Variants in SHROOM2 observed in about 807,000 individuals in gnomAD.
SHROOM2 encodes protein Shroom2.
SHROOM2 carries 33 observed loss-of-function variants against 75.9 expected under a neutral mutation model. The observed-to-expected ratio is 0.43, with a 90% CI of 0.33 to 0.58. The LOEUF (loss-of-function observed/expected upper bound fraction) is 0.58. Among genes scored for constraint, SHROOM2 ranks in the 20% least tolerant of loss-of-function variants. The pLI is 0.04. For missense variants in SHROOM2, 1,434 were observed against 1,461.2 expected (o/e 0.98, Z 0.30); for synonymous variants, 655 against 663.6 (o/e 0.99, Z 0.20).
intron 1 of SHROOM2, among the ~76,000 whole-genome samples, chrX:9,861,356 A>T (rs181325133): frequency 3.6e-5 from 4 of 111,543 alleles, no homozygotes; most frequent in Admixed American, 1.9e-4. Context: ...AATCATAGAA[A>T]CTTGGTTTCA....
intron 8 of SHROOM2, 130 bp downstream of exon 8, chrX:9,939,496 A>T: frequency 3.9e-6 from 2 of 515,771 alleles, no homozygotes; most frequent in Non-Finnish European, 3.1e-6. Context: ...GCTTTCACTC[A>T]GGACAGTGGA....
At chrX:9,823,756 C>CTT (rs1293537759) in intron 1 of SHROOM2, among the ~76,000 whole-genome samples, 1,090 of 85,798 alleles carry the variant, frequency 0.013, 71 homozygotes, top group Middle Eastern at 0.023. Context: ...TTTCTTTTTT[C>CTT]TTTTTTCTTT....
intron 5 of SHROOM2, among the ~76,000 whole-genome samples, chrX:9,911,078 G>T (rs2147030918): frequency 9.0e-6 from 1 of 111,375 alleles, no homozygotes; most frequent in African/African-American, 3.3e-5. Context: ...TGATGGCCCG[G>T]GGTGAATGGC....
intron 5 of SHROOM2, among the ~76,000 whole-genome samples, chrX:9,909,117 G>A (rs759392626): frequency 9.0e-5 from 10 of 110,953 alleles, no homozygotes; most frequent in African/African-American, 1.3e-4. Context: ...TACAAGATGA[G>A]CCTGGAGTAT....
chrX:9,947,107 T>G lies in SHROOM2; in HGVS notation c.*170T>G, dbSNP rs145538076. The G allele has an allele frequency of 2.9e-3, 1,503 of 522,993 alleles. 16 individuals carry two copies. In the African/African-American group the frequency reaches 0.032, roughly 11 times the overall value. The allele number at this position is 522,993 out of a possible 1,213,427, so 43.1% of individuals were successfully genotyped here. ...TTTGTGTTTGTGTGGGATGATTTAT[T>G]TAATTTTTTAGTTTCCCCTTTGATT... is the stretch of plus-strand genomic sequence containing the variant. On this transcript the variant is annotated 3_prime_UTR_variant, in exon 10 of 10. Coordinates refer to ENST00000380913, the MANE Select transcript of SHROOM2 (RefSeq NM_001649.4).
rs1178392304 is a variant in SHROOM2, at chrX:9,792,100, A to AG, written c.165+5391dup. 1.2e-4 allele frequency among the ~76,000 whole-genome samples: 2 copies of AG among 16,717 alleles called. 1 individual carries two copies. The highest frequency in any genetic ancestry group is 2.4e-3 in the Admixed American group (2 of 830). 14.5% of individuals were successfully genotyped at this position (16,717 alleles called of 115,157 possible). On this transcript the variant is annotated intron_variant, in intron 1 of 9. Coordinates refer to ENST00000380913, the MANE Select transcript of SHROOM2 (RefSeq NM_001649.4). ...AGAATAGAATAGAATAGAATAGAATAGAATAGAATAGAATAGAATAGAATA... is the reference window on the plus strand; with the variant it reads ...AGAATAGAATAGAATAGAATAGAATAGGAATAGAATAGAATAGAATAGAATA...
At chrX:9,826,769 C>A (rs1194036413) in intron 1 of SHROOM2, among the ~76,000 whole-genome samples, 1 of 111,933 alleles carries the variant, frequency 8.9e-6, no homozygotes, top group African/African-American at 3.2e-5. Context: ...GAGAGCTACC[C>A]TGTCTCCATA....
chrX:9,850,398 C>T (rs1008227029), intron 1 of SHROOM2, among the ~76,000 whole-genome samples: 3 of 112,112 alleles, frequency 2.7e-5, no homozygotes, highest in Non-Finnish European at 5.6e-5. Context: ...TCCAAAAAGT[C>T]GCTTCAGGTT....
rs186131758 is a variant in SHROOM2 at position 9,845,762 on chromosome X, T to A, written c.166-27890T>A. 7.5e-3 allele frequency among the ~76,000 whole-genome samples: 817 copies of A among 109,192 alleles called. 5 individuals are homozygous for A. Among genetic ancestry groups the A allele is most frequent in the African/African-American group, 0.025 (759 of 29,839 alleles). 94.8% of individuals were successfully genotyped at this position (109,192 alleles called of 115,157 possible). Reference sequence around the variant, plus strand: ...CCTCTTCATGAGTTGAGAAACATAATTCCTGGCAGCTGCAGTGTCGCAACC... The same window carrying A: ...CCTCTTCATGAGTTGAGAAACATAAATCCTGGCAGCTGCAGTGTCGCAACC... On this transcript the variant is annotated intron_variant, in intron 1 of 9. Coordinates refer to ENST00000380913, the MANE Select transcript of SHROOM2 (RefSeq NM_001649.4).
At chrX:9,829,405 C>T (rs2083904416) in intron 1 of SHROOM2, among the ~76,000 whole-genome samples, 1 of 112,202 alleles carries the variant, frequency 8.9e-6, no homozygotes, top group South Asian at 3.7e-4. Context: ...TTTTCCAGTG[C>T]CCTTGCAGTA....
At chrX:9,862,682 C>T (rs1467697089) in intron 1 of SHROOM2, among the ~76,000 whole-genome samples, 4 of 112,016 alleles carry the variant, frequency 3.6e-5, no homozygotes, top group African/African-American at 9.7e-5. Context: ...AAGCCCTTTC[C>T]ACCGCCCGCG....
At chrX:9,892,939 C>T (rs2084302368) in intron 3 of SHROOM2, among the ~76,000 whole-genome samples, 1 of 112,319 alleles carries the variant, frequency 8.9e-6, no homozygotes, top group African/African-American at 3.2e-5. Context: ...CAGTCACACA[C>T]AGTTATTACC....
intron 2 of SHROOM2, among the ~76,000 whole-genome samples, chrX:9,876,919 G>A (rs770407475): frequency 8.9e-6 from 1 of 112,601 alleles, no homozygotes; most frequent in African/African-American, 3.2e-5. Flanking sequence ...TCTTCCCAAA[G>A]TGCTGGAATT....
At chrX:9,855,113 A>C (rs1414180703) in intron 1 of SHROOM2, among the ~76,000 whole-genome samples, 1 of 106,479 alleles carries the variant, frequency 9.4e-6, no homozygotes, top group Non-Finnish European at 1.9e-5. Flanking sequence ...CAACTCCTGG[A>C]CACAGGGAGG....
At chrX:9,826,010 G>T (rs1198501670) in intron 1 of SHROOM2, among the ~76,000 whole-genome samples, 1 of 112,440 alleles carries the variant, frequency 8.9e-6, no homozygotes, top group African/African-American at 3.2e-5. Context: ...GCCACAGTTG[G>T]GAGCAAGCCT....
intron 5 of SHROOM2, among the ~76,000 whole-genome samples, chrX:9,912,230 CACACACACACACACACACACAT>C (rs1484194085): frequency 5.2e-4 from 31 of 59,142 alleles, no homozygotes; most frequent in African/African-American, 1.8e-3. Flanking sequence ...CACACACACA[CACACACACACACACACACACAT>C]AAAGGAAGAC....
chrX:9,893,111 T>C (rs959499467), intron 3 of SHROOM2, among the ~76,000 whole-genome samples: 126 of 110,561 alleles, frequency 1.1e-3, no homozygotes, highest in African/African-American at 3.9e-3. Flanking sequence ...TTATTATTAT[T>C]ATTATCTTTG....
At chrX:9,912,246 C>T (rs931739401) in intron 5 of SHROOM2, among the ~76,000 whole-genome samples, 2 of 54,623 alleles carry the variant, frequency 3.7e-5, no homozygotes, top group African/African-American at 1.6e-4. Context: ...CACACACACA[C>T]ACACATAAAG....
chrX:9,876,168 A>G (rs1210142656), intron 2 of SHROOM2, among the ~76,000 whole-genome samples: 1 of 112,436 alleles, frequency 8.9e-6, no homozygotes, highest in East Asian at 2.8e-4. Context: ...TTTAAATAGA[A>G]TTTTATTTAA....
Sources: allele counts gnomAD v4.1 joint callset (sites outside exome capture counted in the v4.1 genomes callset), GRCh38; gene constraint gnomAD v4.1.1; transcripts MANE v1.5; gene names NCBI Gene and HGNC (gene_info 2026-07-23, HGNC 2026-07-21).